SYT6: variants seen among roughly 807,000 people sequenced by gnomAD.
SYT6 encodes the protein synaptotagmin-6.
Under a neutral mutation model 38.4 loss-of-function variants are expected in SYT6, and 24 were observed. The ratio of observed to expected loss-of-function variants is 0.62; its 90% CI spans 0.45 to 0.88. SYT6 has a LOEUF of 0.88. SYT6 is among the 40% of genes least tolerant of loss of function. The probability of loss-of-function intolerance (pLI) is 0.00; values close to 1 mark genes in which losing one functional copy is unlikely to be tolerated. For missense variants in SYT6, 611 were observed against 621.0 expected (o/e 0.98, Z 0.17); for synonymous variants, 265 against 241.9 (o/e 1.10, Z -0.89).
At chr1:114,136,991 G>A (rs941767583) in intron 3 of SYT6, among the ~76,000 whole-genome samples, 2 of 152,148 alleles carry the variant, frequency 1.3e-5, no homozygotes, top group Non-Finnish European at 2.9e-5. Context: ...TTTAACTGTG[G>A]GGGCCCGTGT....
intron 6 of SYT6, among the ~76,000 whole-genome samples, chr1:114,096,224 T>A (rs568209851): frequency 1.2e-3 from 187 of 150,566 alleles, no homozygotes; most frequent in Non-Finnish European, 9.9e-4. Flanking sequence ...GCCTCCTGTA[T>A]TGTGGGCTCC....
rs1238261562 is a variant in SYT6, at chr1:114,090,942, T to TA, written c.*1191dup. On this transcript the variant is annotated 3_prime_UTR_variant, in exon 8 of 8. Coordinates refer to ENST00000610222, the MANE Select transcript of SYT6 (RefSeq NM_001253772.2). ...AACAACACTGAAGTACTTAGTAATT[T>TA]ATAGAACTAAAGTTTAAGATGAATA... 1 of 152,896 alleles carries TA rather than the reference T, an allele frequency of 6.5e-6. No homozygotes were observed. Among genetic ancestry groups the TA allele is most frequent in the African/African-American group, 2.4e-5 (1 of 41,448 alleles). 9.5% of individuals were successfully genotyped at this position (152,896 alleles called of 1,614,324 possible).
chr1:114,146,976 T>G (rs1175399996), intron 1 of SYT6, among the ~76,000 whole-genome samples: 1 of 152,220 alleles, frequency 6.6e-6, no homozygotes, highest in Non-Finnish European at 1.5e-5. Context: ...CTATTTTTAT[T>G]AGAATTAGTT....
intron 3 of SYT6, among the ~76,000 whole-genome samples, chr1:114,129,405 TCCCG>T (rs1192538502): frequency 0.021 from 3,201 of 151,418 alleles, 114 homozygotes; most frequent in African/African-American, 0.074. Flanking sequence ...TATTAACCTC[TCCCG>T]CCTCTTACCT....
In SYT6 at chr1:114,115,067, C is replaced by T. The variant is rs1025983633; in HGVS notation, c.1072-11346G>A. On this transcript the variant is annotated intron_variant, in intron 3 of 7. Coordinates refer to ENST00000610222, the MANE Select transcript of SYT6 (RefSeq NM_001253772.2). ...ACAGTGTTTCAAAGATATCTGACACCACTCTGTAAATATTCCTTATTGCCA... is the reference window on the plus strand; with the variant it reads ...ACAGTGTTTCAAAGATATCTGACACTACTCTGTAAATATTCCTTATTGCCA... Among the ~76,000 whole-genome samples, 5 of 152,178 alleles carry T rather than the reference C, an allele frequency of 3.3e-5. No individual in the cohort carries two copies. The East Asian group carries it at 9.6e-4, about 29-fold the overall frequency.
rs565298820 is a variant in SYT6, at chr1:114,153,687, G to C, written c.86C>G (p.Pro29Arg). The part of the protein sequence containing the change: ...LASLCRARPP[P>R]LGLDVETCRS... ...ACAAGTCTCCACGTCCAGCCCGAGA[G>C]GGGGCGGCCGGGCCCGGCACAGCGA... Residue 29 changes from proline to arginine, a missense_variant, in exon 1 of 8, where the codon CCT becomes CGT. By Grantham distance (103) the Pro-to-Arg change is moderately radical (BLOSUM62 -2). Coordinates refer to ENST00000610222, the MANE Select transcript of SYT6 (RefSeq NM_001253772.2). 1.5e-6 allele frequency: 1 copy of C among 674,016 alleles called. No homozygotes were observed. The highest frequency in any genetic ancestry group is 2.2e-5 in the Admixed American group (1 of 44,696). The allele number at this position is 674,016 out of a possible 1,614,324, so 41.8% of individuals were successfully genotyped here. A position where few individuals can be genotyped will look rare whatever the true frequency, so the allele number is the denominator to read the frequency against.
chr1:114,098,046 G>A (rs2101624953), intron 5 of SYT6, among the ~76,000 whole-genome samples, 169 bp from the exon 6 acceptor site: 1 of 152,314 alleles, frequency 6.6e-6, no homozygotes, highest in South Asian at 2.1e-4. Context: ...TGAAGCCTTT[G>A]CCTAGTCCCC....
chr1:114,143,329 A>C (rs1442718806), intron 1 of SYT6, among the ~76,000 whole-genome samples: 2 of 149,156 alleles, frequency 1.3e-5, no homozygotes, highest in Non-Finnish European at 3.0e-5. Context: ...TACATATATA[A>C]ATTACATATA....
chr1:114,138,939 T>C lies in SYT6; in HGVS notation c.512+676A>G, dbSNP rs144719793. ...GCCTCGTTCTCTTTTGTTGGTCCCC[T>C]GAGGGCCTGGAGAGCCGTTGCAGGG... On this transcript the variant is annotated intron_variant, in intron 2 of 7. Coordinates refer to ENST00000610222, the MANE Select transcript of SYT6 (RefSeq NM_001253772.2). Among the ~76,000 whole-genome samples, 754 of 152,338 alleles carry C rather than the reference T, an allele frequency of 4.9e-3. 7 individuals are homozygous for C. The highest frequency in any genetic ancestry group is 0.017 in the African/African-American group (720 of 41,576).
At chr1:114,113,451 T>A (rs1011410524) in intron 3 of SYT6, among the ~76,000 whole-genome samples, 1 of 152,170 alleles carries the variant, frequency 6.6e-6, no homozygotes, top group Admixed American at 6.5e-5. Context: ...TCCAGACTCA[T>A]ATATCCAAAA....
At chr1:114,125,051 G>A (rs796418596) in intron 3 of SYT6, among the ~76,000 whole-genome samples, 6 of 152,324 alleles carry the variant, frequency 3.9e-5, no homozygotes, top group African/African-American at 1.4e-4. Context: ...TGTCATCTGA[G>A]GCCTGTTTTT....
chr1:114,127,237 T>C (rs3897268), intron 3 of SYT6, among the ~76,000 whole-genome samples: 1 of 152,196 alleles, frequency 6.6e-6, no homozygotes, highest in African/African-American at 2.4e-5. Flanking sequence ...GAACAGTTTG[T>C]GGACTTGGAG....
At chr1:114,122,506 T>TGTGTGTGTGTGCACGC (rs60780339) in intron 3 of SYT6, among the ~76,000 whole-genome samples, 4 of 147,288 alleles carry the variant, frequency 2.7e-5, no homozygotes, top group African/African-American at 1.0e-4. Context: ...TGTGTGTGTG[T>TGTGTGTGTGTGCACGC]GCGCGCACAT....
chr1:114,101,713 C>T (rs1295739529), intron 4 of SYT6, among the ~76,000 whole-genome samples: 1 of 152,180 alleles, frequency 6.6e-6, no homozygotes, highest in Non-Finnish European at 1.5e-5. Flanking sequence ...TCAAACTCAT[C>T]CTCAAGAACA....
chr1:114,103,037 A>T (rs928421879), intron 4 of SYT6, among the ~76,000 whole-genome samples: 1 of 152,238 alleles, frequency 6.6e-6, no homozygotes, highest in Admixed American at 6.5e-5. Flanking sequence ...TGTACCTAGC[A>T]GCTCTCTTGG....
Position 114,145,502 on chromosome 1 carries a change from G to GTT in SYT6, c.164-5541_164-5540dup, listed in dbSNP as rs752982644. Among the ~76,000 whole-genome samples, 17 of 111,638 alleles carry GTT rather than the reference G, an allele frequency of 1.5e-4. 1 individual carries two copies. Among genetic ancestry groups the GTT allele is most frequent in the East Asian group, 8.0e-4 (3 of 3,736 alleles). 73.2% of individuals were successfully genotyped at this position (111,638 alleles called of 152,430 possible). On this transcript the variant is annotated intron_variant, in intron 1 of 7. Coordinates refer to ENST00000610222, the MANE Select transcript of SYT6 (RefSeq NM_001253772.2). Reference sequence around the variant, plus strand: ...AAAAAACATATATTGGAGGTATTAAGTTTTTTTTTTTTTTTTTTTTTTTTA... The same window carrying GTT: ...AAAAAACATATATTGGAGGTATTAAGTTTTTTTTTTTTTTTTTTTTTTTTTTA...
Position 114,097,896 on chromosome 1 carries a change from T to TC in SYT6, c.1365-20dup. 2.5e-6 allele frequency: 4 copies of TC among 1,613,240 alleles called. No individual in the cohort carries two copies. The highest frequency in any genetic ancestry group is 3.3e-4 in the Middle Eastern group (2 of 6,052). ...GCCCACTCTGAGGGAGAAACAAAAG[T>TC]CCCAGCACTGGCTACCAGACATGCC... On this transcript the variant is annotated intron_variant, in intron 5 of 7. Coordinates refer to ENST00000610222, the MANE Select transcript of SYT6 (RefSeq NM_001253772.2).
chr1:114,116,805 G>C (rs957738120), intron 3 of SYT6, among the ~76,000 whole-genome samples: 11 of 152,140 alleles, frequency 7.2e-5, no homozygotes, highest in Admixed American at 6.5e-4. Context: ...CCCCCCAAAT[G>C]GCTGACCCAG....
At chr1:114,096,371 A>C (rs1458938105) in intron 6 of SYT6, among the ~76,000 whole-genome samples, 1 of 152,204 alleles carries the variant, frequency 6.6e-6, no homozygotes, top group East Asian at 1.9e-4. Context: ...CAAGACAGAA[A>C]TATGAAGCCT....
Sources: gnomAD v4.1 joint callset for allele counts (sites outside exome capture counted in the v4.1 genomes callset) on GRCh38, gnomAD v4.1.1 for gene constraint, MANE v1.5 for transcripts, NCBI Gene and HGNC (gene_info 2026-07-23, HGNC 2026-07-21) for gene names.